The following FRMD6 variants were observed in gnomAD, a reference collection of about 807,000 sequenced individuals.
FRMD6 encodes FERM domain containing 6.
A neutral mutation model predicts 73.2 loss-of-function variants in FRMD6; 37 were observed. The ratio of observed to expected loss-of-function variants is 0.51; its 90% CI spans 0.39 to 0.66. The LOEUF (loss-of-function observed/expected upper bound fraction) is 0.66. Ranked by LOEUF, FRMD6 falls within the 30% of genes least tolerant of loss-of-function variation. The pLI, the probability that FRMD6 is intolerant of heterozygous loss-of-function variation, is 0.00. For missense variants in FRMD6, 714 were observed against 780.5 expected (o/e 0.91, Z 1.02); for synonymous variants, 273 against 282.2 (o/e 0.97, Z 0.33).
At chr14:51,518,319 G>A (rs76593506) in intron 1 of FRMD6, among the ~76,000 whole-genome samples, 2,938 of 152,284 alleles carry the variant, frequency 0.019, 47 homozygotes, top group Middle Eastern at 0.031. Context: ...AGATTTAGAT[G>A]TAGACCACCA....
At chr14:51,724,517 CCT>C (rs1356921084) in intron 12 of FRMD6, among the ~76,000 whole-genome samples, 3 of 152,126 alleles carry the variant, frequency 2.0e-5, no homozygotes, top group Non-Finnish European at 4.4e-5. Context: ...ATGAGTATCC[CCT>C]GAGTTTTTAA....
intron 1 of FRMD6, among the ~76,000 whole-genome samples, chr14:51,538,053 G>A (rs1885993793): frequency 6.6e-6 from 1 of 152,050 alleles, no homozygotes; most frequent in Non-Finnish European, 1.5e-5. Context: ...CCATGGCTTT[G>A]ATCTTATATC....
chr14:51,606,465 T>G (rs190519939), intron 2 of FRMD6, among the ~76,000 whole-genome samples: 1 of 152,152 alleles, frequency 6.6e-6, no homozygotes, highest in East Asian at 1.9e-4. Flanking sequence ...AGGAACAATC[T>G]CTAGTCCCCA....
the FRMD6 span, among the ~76,000 whole-genome samples, chr14:51,421,373 C>T: frequency 7.2e-5 from 11 of 152,212 alleles, no homozygotes; most frequent in Non-Finnish European, 1.2e-4. Context: ...CCCTTCAAGA[C>T]TCAGTCCTAA....
At chr14:51,497,007 A>G (rs1038775475) in intron 1 of FRMD6, among the ~76,000 whole-genome samples, 1 of 152,162 alleles carries the variant, frequency 6.6e-6, no homozygotes, top group African/African-American at 2.4e-5. Context: ...GTTAAACCAT[A>G]CACCCACCAT....
rs754998126 is a variant in FRMD6, at chr14:51,689,857, T to C, written c.21T>C (p.His7=). MNKLNF[H]NNRVMQDRRS... ...ACACAATGAACAAATTGAATTTTCA[T>C]AACAACAGAGTCATGCAAGACCGCC... The change falls in exon 2 of 14, where the codon CAT becomes CAC. Residue 7 remains histidine (H), a synonymous_variant. Transcript: ENST00000344768. The C allele has an allele frequency of 4.3e-5, 69 of 1,612,442 alleles. No homozygotes were observed. The highest frequency in any genetic ancestry group is 5.9e-5 in the Non-Finnish European group (69 of 1,179,180).
chr14:51,437,081 A>G, the FRMD6 span: 1 of 366,806 alleles, frequency 2.7e-6, no homozygotes, highest in South Asian at 2.5e-5. Context: ...GGTTTGCTGC[A>G]CCCATCAACT....
At chr14:51,621,795 A>G (rs1890937748) in intron 2 of FRMD6, among the ~76,000 whole-genome samples, 1 of 152,186 alleles carries the variant, frequency 6.6e-6, no homozygotes, top group African/African-American at 2.4e-5. Context: ...AGATTGAGAA[A>G]CAGATTCTAC....
chr14:51,662,787 G>T (rs35588240), intron 1 of FRMD6, among the ~76,000 whole-genome samples: 19,018 of 152,114 alleles, frequency 0.13, 1,292 homozygotes, highest in Non-Finnish European at 0.15. Context: ...AGGCAAAAAT[G>T]GACAAATGGG....
the FRMD6 span, among the ~76,000 whole-genome samples, chr14:51,468,278 G>A: frequency 0.022 from 3,138 of 140,722 alleles, 124 homozygotes; most frequent in African/African-American, 0.079. Flanking sequence ...GAGGGAGACG[G>A]TGCAAAGGGG....
the FRMD6 span, among the ~76,000 whole-genome samples, chr14:51,459,948 T>C: frequency 7.0e-6 from 1 of 142,732 alleles, no homozygotes; most frequent in Non-Finnish European, 1.5e-5. Context: ...CCTGATACTA[T>C]TGTGATAAGT....
At chr14:51,404,782 A>T in the FRMD6 span, among the ~76,000 whole-genome samples, 1 of 152,108 alleles carries the variant, frequency 6.6e-6, no homozygotes, top group East Asian at 1.9e-4. Context: ...CTTTTTAAAA[A>T]TTTTTATTTT....
At chr14:51,410,783 T>C in the FRMD6 span, among the ~76,000 whole-genome samples, 1 of 152,244 alleles carries the variant, frequency 6.6e-6, no homozygotes, top group African/African-American at 2.4e-5. Context: ...AATTATTTTG[T>C]ACATGCTCTT....
intron 1 of FRMD6, among the ~76,000 whole-genome samples, chr14:51,518,458 T>A (rs1884765980): frequency 6.6e-6 from 1 of 152,186 alleles, no homozygotes; most frequent in Admixed American, 6.5e-5. Context: ...AGAAGCGCAT[T>A]TCCAGCTCTG....
At chr14:51,507,600 T>C (rs767734763) in intron 1 of FRMD6, among the ~76,000 whole-genome samples, 1 of 152,118 alleles carries the variant, frequency 6.6e-6, no homozygotes, top group African/African-American at 2.4e-5. Flanking sequence ...TAAAACCTAG[T>C]GGGGAAGCTG....
the FRMD6 span, chr14:51,397,101 T>C: frequency 6.6e-6 from 1 of 152,290 alleles, no homozygotes; most frequent in Non-Finnish European, 1.5e-5. Flanking sequence ...CAGAGAAGGA[T>C]CTCAGAGGTG....
chr14:51,440,446 G>T, the FRMD6 span, among the ~76,000 whole-genome samples: 1 of 152,188 alleles, frequency 6.6e-6, no homozygotes, highest in Non-Finnish European at 1.5e-5. Context: ...GGAATGGTGG[G>T]TTATGATCTT....
intron 1 of FRMD6, among the ~76,000 whole-genome samples, chr14:51,541,970 A>G (rs1283510242): frequency 6.6e-6 from 1 of 152,002 alleles, no homozygotes; most frequent in East Asian, 1.9e-4. Flanking sequence ...AGTAATTTAA[A>G]TATCCCTAGA....
At chr14:51,428,994 T>TGAGAGAGAGAG in the FRMD6 span, among the ~76,000 whole-genome samples, 6 of 41,190 alleles carry the variant, frequency 1.5e-4, no homozygotes, top group East Asian at 7.2e-4. Flanking sequence ...AGAGAGAGGG[T>TGAGAGAGAGAG]GGGAGAGAGA....
Sources: allele counts gnomAD v4.1 joint callset (sites outside exome capture counted in the v4.1 genomes callset), GRCh38; gene constraint gnomAD v4.1.1; transcripts MANE v1.5; gene names NCBI Gene and HGNC (gene_info 2026-07-23, HGNC 2026-07-21).